The following MMP16 variants were observed in gnomAD, a reference collection of about 807,000 sequenced individuals.
MMP16 encodes the protein matrix metallopeptidase 16.
A neutral mutation model predicts 67.8 loss-of-function variants in MMP16; 12 were observed. The ratio of observed to expected loss-of-function variants is 0.18; its 90% CI spans 0.11 to 0.29. The LOEUF (loss-of-function observed/expected upper bound fraction) is 0.29, where lower values mean the gene tolerates loss of function less well. MMP16 is among the 10% of genes least tolerant of loss of function. The probability of loss-of-function intolerance (pLI) is 1.00; values close to 1 mark genes in which losing one functional copy is unlikely to be tolerated. For synonymous variants in MMP16, 249 were observed against 255.9 expected (o/e 0.97, Z 0.26); for missense variants, 475 against 765.7 (o/e 0.62, Z 4.48).
chr8:88,260,115 T>C (rs781175118), intron 1 of MMP16, among the ~76,000 whole-genome samples: 10 of 152,160 alleles, frequency 6.6e-5, no homozygotes, highest in Non-Finnish European at 1.0e-4. Flanking sequence ...GAAAGAAATA[T>C]ACCAGTAAGA....
At chr8:88,083,349 T>C (rs1808784014) in intron 6 of MMP16, among the ~76,000 whole-genome samples, 2 of 152,016 alleles carry the variant, frequency 1.3e-5, no homozygotes, top group South Asian at 2.1e-4. Context: ...CAGGGCTTCT[T>C]GGAGAATAGT....
chr8:88,083,593 TA>T (rs1808788240), intron 6 of MMP16, among the ~76,000 whole-genome samples: 1 of 152,066 alleles, frequency 6.6e-6, no homozygotes, highest in South Asian at 2.1e-4. Context: ...TGCAACTGGC[TA>T]GTGTAAAAAC....
intron 1 of MMP16, among the ~76,000 whole-genome samples, chr8:88,250,881 C>T (rs1353374949): frequency 1.3e-5 from 2 of 151,052 alleles, no homozygotes; most frequent in Non-Finnish European, 2.9e-5. Context: ...CACCCACTAA[C>T]TCATCATCTA....
At chr8:88,188,540 C>T (rs1283135411) in intron 2 of MMP16, among the ~76,000 whole-genome samples, 1 of 152,074 alleles carries the variant, frequency 6.6e-6, no homozygotes, top group East Asian at 1.9e-4. Context: ...AGGGTATAGT[C>T]TCTAAAATTA....
intron 1 of MMP16, among the ~76,000 whole-genome samples, chr8:88,231,977 T>C (rs1809866740): frequency 6.6e-6 from 1 of 152,150 alleles, no homozygotes; most frequent in Non-Finnish European, 1.5e-5. Flanking sequence ...CTAATGATAC[T>C]TCCTCCATCA....
chr8:88,222,429 T>C (rs1809698090), intron 1 of MMP16, among the ~76,000 whole-genome samples: 1 of 152,154 alleles, frequency 6.6e-6, no homozygotes, highest in African/African-American at 2.4e-5. Context: ...GGCATCACGC[T>C]ACCTGACTTC....
At chr8:88,284,256 T>C (rs1585998629) in intron 1 of MMP16, among the ~76,000 whole-genome samples, 1 of 152,198 alleles carries the variant, frequency 6.6e-6, no homozygotes, top group East Asian at 1.9e-4. Flanking sequence ...AATGATGCTG[T>C]TTATGTAACA....
chr8:88,274,475 A>G (rs983826920), intron 1 of MMP16, among the ~76,000 whole-genome samples: 5 of 152,090 alleles, frequency 3.3e-5, no homozygotes, highest in Non-Finnish European at 7.4e-5. Flanking sequence ...CATGTTCCTA[A>G]ATACATCAGA....
intron 3 of MMP16, among the ~76,000 whole-genome samples, 197 bp from the exon 4 acceptor site, chr8:88,168,170 G>A (rs1209381997): frequency 1.3e-5 from 2 of 152,090 alleles, no homozygotes; most frequent in Non-Finnish European, 2.9e-5. Flanking sequence ...TAGTATTCAT[G>A]TACCAAAGTT....
chr8:88,266,778 A>G (rs971712695), intron 1 of MMP16, among the ~76,000 whole-genome samples: 1 of 152,198 alleles, frequency 6.6e-6, no homozygotes, highest in Admixed American at 6.5e-5. Flanking sequence ...GCCCTAGAGC[A>G]TGAAAAAGTG....
Position 88,036,670 on chromosome 8 carries a change from C to A in MMP16, c.*4791G>T, listed in dbSNP as rs896142900. Reference sequence around the variant, plus strand: ...AAATACAGCCGAATGATTAGATCCTCTTATATGATTGACTTGACACATTTT... The same window carrying A: ...AAATACAGCCGAATGATTAGATCCTATTATATGATTGACTTGACACATTTT... On this transcript the variant is annotated 3_prime_UTR_variant, in exon 10 of 10. Transcript: ENST00000286614. The A allele has an allele frequency of 4.0e-5, 6 of 151,752 alleles. No individual in the cohort carries two copies. The highest frequency in any genetic ancestry group is 1.4e-4 in the African/African-American group (6 of 41,396). 9.4% of individuals were successfully genotyped at this position (151,752 alleles called of 1,614,324 possible). A position where few individuals can be genotyped will look rare whatever the true frequency, so the allele number is the denominator to read the frequency against.
intron 1 of MMP16, among the ~76,000 whole-genome samples, chr8:88,287,431 T>C (rs929665535): frequency 2.0e-5 from 3 of 152,238 alleles, no homozygotes; most frequent in African/African-American, 4.8e-5. Flanking sequence ...ATCAAAGTTA[T>C]GAGTTTTCAT....
intron 2 of MMP16, among the ~76,000 whole-genome samples, chr8:88,189,274 A>C (rs1447670982): frequency 6.6e-6 from 1 of 152,202 alleles, no homozygotes; most frequent in Non-Finnish European, 1.5e-5. Context: ...AAGTGCTGTC[A>C]CACCTCCATC....
rs191076521 is a variant in MMP16 at position 88,275,699 on chromosome 8, A to G, written c.132+51376T>C. On this transcript the variant is annotated intron_variant, in intron 1 of 9. Transcript: ENST00000286614. ...TCATCTTTTTCAGCCCTTGCCATAT[A>G]TTACTTAATATCAAAATATCAGAAC... Among the ~76,000 whole-genome samples, 669 of 152,006 alleles carry G rather than the reference A, an allele frequency of 4.4e-3. 7 individuals carry two copies. The highest frequency in any genetic ancestry group is 0.015 in the African/African-American group (641 of 41,508).
chr8:88,195,282 C>T (rs1262091961), intron 2 of MMP16, among the ~76,000 whole-genome samples: 1 of 152,158 alleles, frequency 6.6e-6, no homozygotes, highest in African/African-American at 2.4e-5. Flanking sequence ...TTCTAGGACT[C>T]CACTTTCTTA....
chr8:88,271,994 T>C (rs1054799284), intron 1 of MMP16, among the ~76,000 whole-genome samples: 4 of 152,204 alleles, frequency 2.6e-5, no homozygotes, highest in African/African-American at 9.7e-5. Flanking sequence ...AGTTTGTCCA[T>C]CTATAAAATG....
At chr8:88,176,868 G>C (rs1339219377) in intron 3 of MMP16, among the ~76,000 whole-genome samples, 1 of 152,080 alleles carries the variant, frequency 6.6e-6, no homozygotes, top group African/African-American at 2.4e-5. Context: ...ACATTTTGAT[G>C]TTCTCCTTGG....
rs555916980 is a variant in MMP16 at position 88,248,570 on chromosome 8, A to G, written c.133-51264T>C. 8.5e-5 allele frequency among the ~76,000 whole-genome samples: 13 copies of G among 152,192 alleles called. 2 individuals carry two copies. Among genetic ancestry groups the G allele is most frequent in the African/African-American group, 3.1e-4 (13 of 41,552 alleles). The stretch of plus-strand genomic sequence containing the variant: ...AGCTCCCCTCCTTCTTCTTTACTGG[A>G]AAACGTCCATTGCCCGATCCTCCTG... On this transcript the variant is annotated intron_variant, in intron 1 of 9. Transcript: ENST00000286614.
chr8:88,302,838 C>G (rs968438357), intron 1 of MMP16, among the ~76,000 whole-genome samples: 1 of 152,176 alleles, frequency 6.6e-6, no homozygotes, highest in African/African-American at 2.4e-5. Flanking sequence ...CTGGCACTGA[C>G]TAGGCAAATA....
Sources: allele counts gnomAD v4.1 joint callset (sites outside exome capture counted in the v4.1 genomes callset), GRCh38; gene constraint gnomAD v4.1.1; transcripts MANE v1.5; gene names NCBI Gene and HGNC (gene_info 2026-07-23, HGNC 2026-07-21).